The following GLMN variants were observed in gnomAD, a reference collection of about 807,000 sequenced individuals.
GLMN encodes the protein glomulin.
Under a neutral mutation model 87.8 loss-of-function variants are expected in GLMN, and 75 were observed. The ratio of observed to expected loss-of-function variants is 0.85; its 90% CI spans 0.71 to 1.04. The LOEUF (loss-of-function observed/expected upper bound fraction) is 1.04, where lower values mean the gene tolerates loss of function less well. GLMN is among the 50% of genes least tolerant of loss of function. The pLI is 0.00. For synonymous variants in GLMN, 206 were observed against 221.6 expected (o/e 0.93, Z 0.63); for missense variants, 588 against 658.8 (o/e 0.89, Z 1.18).
chr1:92,247,389 A>T (rs1025865368), intron 17 of GLMN, among the ~76,000 whole-genome samples: 2 of 152,220 alleles, frequency 1.3e-5, no homozygotes, highest in Non-Finnish European at 2.9e-5. Flanking sequence ...AGGATTCATG[A>T]AACTGTTTTC....
the GLMN span, chr1:92,324,473 T>G: frequency 2.1e-5 from 19 of 924,900 alleles, no homozygotes; most frequent in East Asian, 4.9e-4. Context: ...GAGTTAATTG[T>G]TAAATTTTCA....
At chr1:92,343,144 G>A in the GLMN span, among the ~76,000 whole-genome samples, 2,035 of 152,262 alleles carry the variant, frequency 0.013, 46 homozygotes, top group African/African-American at 0.047. Context: ...GTATTAAAAG[G>A]TCCAAGGAGA....
chr1:92,345,054 CTG>C, the GLMN span, among the ~76,000 whole-genome samples: 1 of 151,902 alleles, frequency 6.6e-6, no homozygotes, highest in Non-Finnish European at 1.5e-5. Context: ...TTTTTAAAAA[CTG>C]AACTTTTCTT....
chr1:92,332,518 A>C, the GLMN span, among the ~76,000 whole-genome samples: 1 of 152,122 alleles, frequency 6.6e-6, no homozygotes, highest in Non-Finnish European at 1.5e-5. Flanking sequence ...AATTACAGAG[A>C]TAACTGGAGA....
In GLMN at chr1:92,247,120, C is replaced by T. The variant is rs763449668; in HGVS notation, c.1610G>A (p.Cys537Tyr). ...CTCTTCTCCACTTACAGTTATAGAA[C>T]AAAGATCTTTAGATTTCTGGGCCTC... is the stretch of plus-strand genomic sequence containing the variant. ...SQEAQKSKDLCSITVSGEEIP... is the reference protein window; with the variant it reads ...SQEAQKSKDLYSITVSGEEIP... Residue 537 changes from cysteine (C) to tyrosine (Y), a missense_variant, in exon 18 of 19, where the codon TGT (cysteine) becomes TAT (tyrosine). Coordinates refer to ENST00000370360, the MANE Select transcript of GLMN (RefSeq NM_053274.3). 79 of 1,565,728 alleles carry T rather than the reference C, an allele frequency of 5.0e-5. No homozygotes were observed. Among genetic ancestry groups the T allele is most frequent in the Non-Finnish European group, 6.9e-5 (78 of 1,137,114 alleles).
At chr1:92,273,614 T>A (rs1023508755) in intron 7 of GLMN, among the ~76,000 whole-genome samples, 6 of 151,552 alleles carry the variant, frequency 4.0e-5, no homozygotes, top group Admixed American at 1.3e-4. Flanking sequence ...CCCGCTATTT[T>A]TTTTTTATTT....
intron 7 of GLMN, among the ~76,000 whole-genome samples, chr1:92,277,334 C>T (rs1647404848): frequency 1.3e-5 from 2 of 152,198 alleles, no homozygotes; most frequent in Admixed American, 1.3e-4. Context: ...ACATCACTCC[C>T]AGATTTAACA....
chr1:92,294,291 A>C (rs1281526226), intron 3 of GLMN, among the ~76,000 whole-genome samples: 1 of 152,182 alleles, frequency 6.6e-6, no homozygotes, highest in Non-Finnish European at 1.5e-5. Context: ...AAGAAGACAA[A>C]ATGACACCTA....
chr1:92,284,929 A>T (rs1648548284), intron 7 of GLMN, among the ~76,000 whole-genome samples: 1 of 152,214 alleles, frequency 6.6e-6, no homozygotes, highest in Non-Finnish European at 1.5e-5. Flanking sequence ...ATCTCACGCC[A>T]GTTAGAATGG....
chr1:92,309,169 C>T, the GLMN span, among the ~76,000 whole-genome samples: 7 of 152,090 alleles, frequency 4.6e-5, no homozygotes, highest in Non-Finnish European at 7.4e-5. Context: ...TTGTGCCGGG[C>T]GTGGTGGCTT....
the GLMN span, among the ~76,000 whole-genome samples, chr1:92,335,870 T>G: frequency 6.6e-6 from 1 of 152,314 alleles, no homozygotes; most frequent in East Asian, 1.9e-4. Context: ...TTCCTTAGAT[T>G]AAATTTTTTT....
At chr1:92,350,616 T>C in the GLMN span, among the ~76,000 whole-genome samples, 1 of 152,332 alleles carries the variant, frequency 6.6e-6, no homozygotes, top group Non-Finnish European at 1.5e-5. Context: ...TGCATGACTT[T>C]TAATAAAAAT....
At chr1:92,332,710 G>C in the GLMN span, among the ~76,000 whole-genome samples, 1 of 152,076 alleles carries the variant, frequency 6.6e-6, no homozygotes, top group Non-Finnish European at 1.5e-5. Flanking sequence ...GTCTTTCCAA[G>C]TCCTGGTCTC....
intron 16 of GLMN, among the ~76,000 whole-genome samples, chr1:92,252,933 G>A (rs1374534904): frequency 1.3e-5 from 2 of 152,004 alleles, no homozygotes; most frequent in African/African-American, 4.8e-5. Flanking sequence ...TCTCACAAAA[G>A]GAAGACTAGG....
Position 92,271,533 on chromosome 1 carries a change from T to C in GLMN, c.855A>G (p.Ser285=), listed in dbSNP as rs775553006. The C allele has an allele frequency of 3.1e-6, 5 of 1,612,708 alleles. No individual in the cohort carries two copies. In the Admixed American group the frequency reaches 6.7e-5, roughly 22 times the overall value. The part of the protein sequence containing the change: ...EEEENKQLAD[S]MASLAYLVFV... ...ATACTAGATATGCCAGAGAAGCCAT[T>C]GAGTCTGCTAACTGTTTATTTTCTT... Residue 285 remains serine, a synonymous_variant, in exon 8 of 19, where the codon TCA becomes TCG. Coordinates refer to ENST00000370360, the MANE Select transcript of GLMN (RefSeq NM_053274.3).
the GLMN span, among the ~76,000 whole-genome samples, chr1:92,353,645 C>G: frequency 2.5e-3 from 383 of 152,234 alleles, 3 homozygotes; most frequent in South Asian, 9.3e-3. Flanking sequence ...TGCTTATATA[C>G]ATCTTGAATT....
At chr1:92,246,673 A>G (rs760080334) in intron 18 of GLMN, 27 bp from the exon 19 acceptor site, 13 of 1,109,620 alleles carry the variant, frequency 1.2e-5, no homozygotes, top group Non-Finnish European at 1.7e-5. Flanking sequence ...AAGTAATGTT[A>G]TTAATGCTGC....
the GLMN span, among the ~76,000 whole-genome samples, chr1:92,331,200 CCTTT>C: frequency 6.6e-6 from 1 of 152,092 alleles, no homozygotes; most frequent in Non-Finnish European, 1.5e-5. Flanking sequence ...TATGGAGCAA[CCTTT>C]CTATTTGCTT....
the GLMN span, among the ~76,000 whole-genome samples, chr1:92,318,176 C>T: frequency 2.6e-5 from 4 of 152,194 alleles, no homozygotes; most frequent in African/African-American, 4.8e-5. Context: ...CTGGCATGTC[C>T]ACCTTCCCAA....
Sources: allele counts gnomAD v4.1 joint callset (sites outside exome capture counted in the v4.1 genomes callset), GRCh38; gene constraint gnomAD v4.1.1; transcripts MANE v1.5; gene names NCBI Gene and HGNC (gene_info 2026-07-23, HGNC 2026-07-21).